Variants in PIP4K2B observed in about 807,000 individuals in gnomAD.
PIP4K2B encodes the protein phosphatidylinositol 5-phosphate 4-kinase type-2 beta.
A neutral mutation model predicts 42.0 loss-of-function variants in PIP4K2B; 3 were observed. The observed-to-expected ratio is 0.07, with a 90% confidence interval of 0.03 to 0.18. PIP4K2B has a LOEUF of 0.18. PIP4K2B is among the 10% of genes least tolerant of loss of function. The pLI, the probability that PIP4K2B is intolerant of heterozygous loss-of-function variation, is 1.00. For synonymous variants in PIP4K2B, 204 were observed against 210.1 expected (o/e 0.97, Z 0.25); for missense variants, 332 against 562.3 (o/e 0.59, Z 4.14).
chr17:38,776,819 A>G (rs1202817801), intron 7 of PIP4K2B, among the ~76,000 whole-genome samples: 1 of 152,192 alleles, frequency 6.6e-6, no homozygotes, highest in Non-Finnish European at 1.5e-5. Context: ...ACTATTTAGC[A>G]CCTGTCCTCC....
At chr17:38,777,051 C>T (rs541164728) in intron 7 of PIP4K2B, among the ~76,000 whole-genome samples, 9 of 152,150 alleles carry the variant, frequency 5.9e-5, no homozygotes, top group African/African-American at 1.9e-4. Flanking sequence ...AGTAAGCCAC[C>T]ATGCTTAGCC....
intron 3 of PIP4K2B, among the ~76,000 whole-genome samples, chr17:38,781,339 G>C (rs1404277243): frequency 1.3e-5 from 2 of 151,956 alleles, no homozygotes; most frequent in African/African-American, 4.8e-5. Flanking sequence ...AAGAGGGAGG[G>C]TGTGGGAAGG....
At chr17:38,770,874 G>A (rs1908986726) in intron 8 of PIP4K2B, 140 bp downstream of exon 8, 6 of 927,728 alleles carry the variant, frequency 6.5e-6, no homozygotes, top group Non-Finnish European at 9.7e-6. Context: ...GACCCTGGAT[G>A]GGAATCTGGA....
chr17:38,777,933 A>T, intron 6 of PIP4K2B, 133 bp from the exon 7 acceptor site: 1 of 672,214 alleles, frequency 1.5e-6, no homozygotes, highest in South Asian at 1.7e-5. Context: ...CAACCTGCTA[A>T]ATCAGCAGTG....
In PIP4K2B at chr17:38,799,516, C is replaced by T. The variant is rs1199514697; in HGVS notation, c.-92G>A. On this transcript the variant is annotated 5_prime_UTR_variant, in exon 1 of 10. The change creates a new upstream start codon in the 5' untranslated region. Coordinates refer to ENST00000619039, the MANE Select transcript of PIP4K2B (RefSeq NM_003559.5). This position sits in a 1 kb window ranked among gnomAD's most constrained non-coding sequence, Gnocchi z 4.4. Reference sequence around the variant, plus strand: ...CAGGCCTCCCCCGGACCGATCCCCACCCCCGCTCCCTCACCGCGCCATGGT... The same window carrying T: ...CAGGCCTCCCCCGGACCGATCCCCATCCCCGCTCCCTCACCGCGCCATGGT... 36 of 1,344,362 alleles carry T rather than the reference C, an allele frequency of 2.7e-5. 1 individual carries two copies. The highest frequency in any genetic ancestry group is 5.5e-4 in the Middle Eastern group (2 of 3,630). The allele number at this position is 1,344,362 out of a possible 1,614,324, so 83.3% of individuals were successfully genotyped here. A position where few individuals can be genotyped will look rare whatever the true frequency, so the allele number is the denominator to read the frequency against.
chr17:38,794,851 C>T (rs983590635), intron 1 of PIP4K2B, among the ~76,000 whole-genome samples: 2 of 151,430 alleles, frequency 1.3e-5, no homozygotes, highest in East Asian at 3.9e-4. Context: ...TGTAATCCCA[C>T]CACTTTGGGA....
At chr17:38,777,829 T>C in intron 6 of PIP4K2B, 29 bp from the exon 7 acceptor site, 1 of 1,479,010 alleles carries the variant, frequency 6.8e-7, no homozygotes, top group South Asian at 1.1e-5. Flanking sequence ...TTAGGCTGGG[T>C]AAGCCTGATT....
chr17:38,770,846 G>GC (rs1908983804), intron 8 of PIP4K2B, among the ~76,000 whole-genome samples, 168 bp downstream of exon 8: 1 of 152,126 alleles, frequency 6.6e-6, no homozygotes, highest in South Asian at 2.1e-4. Flanking sequence ...CAGAGGAGGA[G>GC]CCCCAGGTTC....
intron 1 of PIP4K2B, among the ~76,000 whole-genome samples, chr17:38,795,099 CAAAAAAAAAAAAAA>C (rs61707682): frequency 9.6e-5 from 4 of 41,498 alleles, no homozygotes; most frequent in East Asian, 8.6e-4. Context: ...AACTCCATCT[CAAAAAAAAAAAAAA>C]AAAAAAAAAA....
At chr17:38,780,667 G>A in intron 3 of PIP4K2B, 63 bp from the exon 4 acceptor site, 3 of 1,545,952 alleles carry the variant, frequency 1.9e-6, no homozygotes, top group Non-Finnish European at 2.7e-6. Context: ...CTTTCGCTGA[G>A]TCTTCCCTCA....
chr17:38,785,361 T>G (rs914430830), intron 2 of PIP4K2B, among the ~76,000 whole-genome samples: 1 of 152,178 alleles, frequency 6.6e-6, no homozygotes, highest in Non-Finnish European at 1.5e-5. Flanking sequence ...TAGTAAACAG[T>G]GCTAGAATCT....
chr17:38,795,762 A>G (rs971153861), intron 1 of PIP4K2B, among the ~76,000 whole-genome samples: 7 of 151,922 alleles, frequency 4.6e-5, no homozygotes, highest in Non-Finnish European at 7.4e-5. Flanking sequence ...AGAAAAAAAA[A>G]AAAAGAAAAG....
rs58027566 is a variant in PIP4K2B, at chr17:38,791,406, AT to A, written c.160-4487del. On this transcript the variant is annotated intron_variant, in intron 1 of 9. Coordinates refer to ENST00000619039, the MANE Select transcript of PIP4K2B (RefSeq NM_003559.5). ...TTTCCTAATCTGGCTCAGACTGCCA[AT>A]TTTTTTTTTTTTTTTTTTTTTTTTT... is the stretch of plus-strand genomic sequence containing the variant. Among the ~76,000 whole-genome samples, 108 of 91,146 alleles carry A rather than the reference AT, an allele frequency of 1.2e-3. 1 individual carries two copies. Among genetic ancestry groups the A allele is most frequent in the South Asian group, 4.1e-3 (11 of 2,712 alleles). 59.8% of individuals were successfully genotyped at this position (91,146 alleles called of 152,430 possible). A position where few individuals can be genotyped will look rare whatever the true frequency, so the allele number is the denominator to read the frequency against.
At chr17:38,797,601 A>G (rs1036996808) in intron 1 of PIP4K2B, among the ~76,000 whole-genome samples, 5 of 152,094 alleles carry the variant, frequency 3.3e-5, no homozygotes, top group African/African-American at 1.2e-4. Flanking sequence ...AAAATAAGGG[A>G]CCCAAGGTTC....
intron 7 of PIP4K2B, 28 bp downstream of exon 7, chr17:38,777,659 G>T: frequency 7.1e-7 from 1 of 1,410,046 alleles, no homozygotes; most frequent in Non-Finnish European, 1.0e-6. Flanking sequence ...AAGGAGCCTT[G>T]CAGGTGAAAA....
intron 1 of PIP4K2B, among the ~76,000 whole-genome samples, chr17:38,788,599 G>A (rs1052429171): frequency 2.6e-4 from 40 of 151,692 alleles, no homozygotes; most frequent in East Asian, 9.9e-4. Context: ...GCTCATGCCT[G>A]TAATCCCAGT....
intron 1 of PIP4K2B, among the ~76,000 whole-genome samples, chr17:38,788,909 C>T (rs933272039): frequency 4.0e-5 from 6 of 150,752 alleles, no homozygotes; most frequent in Admixed American, 6.6e-5. Context: ...GCCGAGATCG[C>T]GCCACTGCCT....
At chr17:38,785,393 T>G (rs1290965501) in intron 2 of PIP4K2B, among the ~76,000 whole-genome samples, 4 of 152,174 alleles carry the variant, frequency 2.6e-5, no homozygotes, top group Non-Finnish European at 5.9e-5. Flanking sequence ...CATACAGGGC[T>G]GGGCAAGGTG....
intron 3 of PIP4K2B, among the ~76,000 whole-genome samples, chr17:38,782,234 T>C (rs1051194627): frequency 6.6e-6 from 1 of 152,180 alleles, no homozygotes; most frequent in South Asian, 2.1e-4. Flanking sequence ...GCAAGCCTAG[T>C]TGGGAGGTAG....
Sources: allele counts gnomAD v4.1 joint callset (sites outside exome capture counted in the v4.1 genomes callset), GRCh38; gene constraint gnomAD v4.1.1; non-coding constraint Gnocchi (gnomAD v3.1); transcripts MANE v1.5; gene names NCBI Gene and HGNC (gene_info 2026-07-23, HGNC 2026-07-21).